HEATR9: variants seen among roughly 807,000 people sequenced by gnomAD.
HEATR9 encodes the protein HEAT repeat containing 9.
HEATR9 carries 54 observed loss-of-function variants against 68.2 expected under a neutral mutation model. That is an observed-to-expected ratio of 0.79 (90% CI 0.64 to 0.99). The LOEUF (loss-of-function observed/expected upper bound fraction) is 0.99, where lower values mean the gene tolerates loss of function less well. Ranked by LOEUF, HEATR9 falls within the 50% of genes least tolerant of loss-of-function variation. The pLI is 0.00. For missense variants in HEATR9, 662 were observed against 679.7 expected, an observed-to-expected ratio of 0.97 and a Z score of 0.29; for synonymous variants, 241 against 253.5, an observed-to-expected ratio of 0.95 and a Z score of 0.47.
At chr17:35,861,097 A>T in intron 8 of HEATR9, 1 of 1,022,090 alleles carries the variant, frequency 9.8e-7, no homozygotes, top group Non-Finnish European at 1.6e-6. Context: ...CCTCTTGTCC[A>T]CATCCTCTTG....
chr17:35,856,432 G>T (rs1296361807), intron 12 of HEATR9: 13 of 1,352,442 alleles, frequency 9.6e-6, no homozygotes, highest in Middle Eastern at 1.8e-4. Context: ...TGATGATCAG[G>T]ACTGTCCAGA....
chr17:35,868,233 G>A (rs1418763496), intron 1 of HEATR9, among the ~76,000 whole-genome samples: 1 of 152,236 alleles, frequency 6.6e-6, no homozygotes, highest in Non-Finnish European at 1.5e-5. Context: ...TGGTAAACAT[G>A]AGGGGTACCT....
intron 1 of HEATR9, among the ~76,000 whole-genome samples, chr17:35,867,578 G>A (rs1042573915): frequency 1.3e-5 from 2 of 151,978 alleles, no homozygotes; most frequent in Non-Finnish European, 2.9e-5. Context: ...TAAGGCCAAA[G>A]CGGGCAGATT....
At chr17:35,860,479 T>TTTATTTATTTATTTATTTA (rs1303796847) in intron 8 of HEATR9, among the ~76,000 whole-genome samples, 1 of 94,150 alleles carries the variant, frequency 1.1e-5, no homozygotes, top group African/African-American at 4.7e-5. Flanking sequence ...TATTTATTTA[T>TTTATTTATTTATTTATTTA]TTTATTTATT....
chr17:35,856,548 A>G (rs371330023), intron 12 of HEATR9, among the ~76,000 whole-genome samples, 184 bp downstream of exon 12: 3 of 152,180 alleles, frequency 2.0e-5, no homozygotes, highest in African/African-American at 7.2e-5. Flanking sequence ...ACAGATGAAC[A>G]AAAGCTCAGG....
intron 4 of HEATR9, 56 bp from the exon 5 acceptor site, chr17:35,864,609 A>G: frequency 6.3e-7 from 1 of 1,593,232 alleles, no homozygotes; most frequent in South Asian, 1.1e-5. Context: ...AAGAATTTCA[A>G]ACTAAAGGGA....
At position 35,864,784 on chromosome 17, in the gene HEATR9, C is replaced by T; in HGVS notation, c.427G>A (p.Asp143Asn). The change falls in exon 4 of 15, where the codon GAC (aspartate) becomes AAC (asparagine). Residue 143 changes from aspartate to asparagine, a missense_variant. Transcript: ENST00000604834. The part of the protein sequence containing the change: ...MRSRPLEPTQ[D>N]PLKWQRLREL... ...CTTAATCTTTGCCACTTCAGGGGGTCCTGGGTAGGCTCTAAGGGCCTGGAT... is the reference window on the plus strand; with the variant it reads ...CTTAATCTTTGCCACTTCAGGGGGTTCTGGGTAGGCTCTAAGGGCCTGGAT... 1 of 1,614,154 alleles carries T rather than the reference C, an allele frequency of 6.2e-7. No individual in the cohort carries two copies. The highest frequency in any genetic ancestry group is 2.2e-5 in the East Asian group (1 of 44,866).
At chr17:35,858,863 G>T (rs1481499593) in intron 9 of HEATR9, 25 bp downstream of exon 9, 1 of 1,608,340 alleles carries the variant, frequency 6.2e-7, no homozygotes, top group Non-Finnish European at 8.5e-7. Context: ...TTTCCCCAGG[G>T]ATCCCAGCCT....
intron 1 of HEATR9, among the ~76,000 whole-genome samples, chr17:35,868,089 G>A (rs2143991570): frequency 6.6e-6 from 1 of 152,282 alleles, no homozygotes; most frequent in South Asian, 2.1e-4. Flanking sequence ...TCGAGAATTT[G>A]CATTTCTAAC....
At chr17:35,861,042 T>C in intron 8 of HEATR9, 1 of 762,872 alleles carries the variant, frequency 1.3e-6, no homozygotes, top group Admixed American at 1.8e-5. Flanking sequence ...CGAGATTCGG[T>C]CTCAAAAAAA....
intron 11 of HEATR9, 63 bp from the exon 12 acceptor site, chr17:35,856,868 T>G (rs1186034782): frequency 2.9e-6 from 4 of 1,396,434 alleles, no homozygotes; most frequent in Non-Finnish European, 4.0e-6. Flanking sequence ...CTTAAGAGCC[T>G]CTCAAATCTT....
At chr17:35,863,852 C>A in intron 6 of HEATR9, 1 of 560,796 alleles carries the variant, frequency 1.8e-6, no homozygotes, top group East Asian at 2.9e-5. Context: ...AATACAGATA[C>A]TAATTCCTGG....
At position 35,856,743 on chromosome 17, in the gene HEATR9, G is replaced by C; in HGVS notation, c.1215C>G (p.Asn405Lys). ...EELKLKPTMMNLVEAQLMNPD... is the reference protein window; with the variant it reads ...EELKLKPTMMKLVEAQLMNPD... ...CCCAGGCCACTCACGCCTCCACCAA[G>C]TTCATCATCGTAGGCTTCAACTTGA... Residue 405 changes from asparagine (N) to lysine (K), a missense_variant, in exon 12 of 15, where the codon AAC (asparagine) becomes AAG (lysine). Transcript: ENST00000604834. 3 of 1,604,640 alleles carry C rather than the reference G, an allele frequency of 1.9e-6. No individual in the cohort carries two copies. Among genetic ancestry groups the C allele is most frequent in the Non-Finnish European group, 2.6e-6 (3 of 1,175,480 alleles).
chr17:35,865,731 T>C (rs905101114), intron 2 of HEATR9, among the ~76,000 whole-genome samples: 1 of 152,160 alleles, frequency 6.6e-6, no homozygotes, highest in African/African-American at 2.4e-5. Flanking sequence ...GTTTGGTTAG[T>C]TGAGGATCTC....
At chr17:35,857,901 C>T (rs2087833376) in intron 11 of HEATR9, among the ~76,000 whole-genome samples, 7 of 152,108 alleles carry the variant, frequency 4.6e-5, no homozygotes, top group Admixed American at 4.6e-4. Flanking sequence ...TGGGATCGGT[C>T]TTGAAGGAGC....
At chr17:35,860,012 T>C (rs920741208) in intron 8 of HEATR9, among the ~76,000 whole-genome samples, 1 of 152,232 alleles carries the variant, frequency 6.6e-6, no homozygotes, top group Non-Finnish European at 1.5e-5. Flanking sequence ...ACTTGTTAAC[T>C]ATAGACTATA....
chr17:35,856,014 C>G (rs1473778169), intron 13 of HEATR9, among the ~76,000 whole-genome samples, 159 bp downstream of exon 13: 1 of 152,124 alleles, frequency 6.6e-6, no homozygotes, highest in Non-Finnish European at 1.5e-5. Flanking sequence ...GCCCACCTAC[C>G]CCCAACCCTG....
At chr17:35,863,754 T>G (rs577375394) in intron 6 of HEATR9, 195 bp from the exon 7 acceptor site, 1 of 632,084 alleles carries the variant, frequency 1.6e-6, no homozygotes, top group South Asian at 2.0e-5. Flanking sequence ...GTTAGATGTT[T>G]GTTCAAATCT....
chr17:35,866,831 G>A, intron 1 of HEATR9, 58 bp from the exon 2 acceptor site: 1 of 1,545,630 alleles, frequency 6.5e-7, no homozygotes, highest in African/African-American at 1.4e-5. Flanking sequence ...TTGCAGGCCA[G>A]GCTTGGTGGC....
Sources: allele counts gnomAD v4.1 joint callset (sites outside exome capture counted in the v4.1 genomes callset), GRCh38; gene constraint gnomAD v4.1.1; transcripts MANE v1.5; gene names NCBI Gene and HGNC (gene_info 2026-07-23, HGNC 2026-07-21).